CAPZA2: variants seen among roughly 807,000 people sequenced by gnomAD.
The protein encoded by CAPZA2 is F-actin-capping protein subunit alpha-2.
CAPZA2 carries 13 observed loss-of-function variants against 44.0 expected under a neutral mutation model. The observed-to-expected ratio is 0.30, with a 90% confidence interval of 0.19 to 0.47. The LOEUF is 0.47. Among genes scored for constraint, CAPZA2 ranks in the 20% least tolerant of loss-of-function variants. The probability of loss-of-function intolerance (pLI) is 1.00; values close to 1 mark genes in which losing one functional copy is unlikely to be tolerated. For missense variants in CAPZA2, 244 were observed against 338.6 expected, an observed-to-expected ratio of 0.72 and a Z score of 2.19; for synonymous variants, 94 against 108.2, an observed-to-expected ratio of 0.87 and a Z score of 0.81.
intron 3 of CAPZA2, among the ~76,000 whole-genome samples, chr7:116,896,963 A>G (rs1796935686): frequency 6.6e-6 from 1 of 152,172 alleles, no homozygotes; most frequent in Admixed American, 6.5e-5. Flanking sequence ...CTAGATGAGT[A>G]CCTTTTCCAC....
chr7:116,905,221 T>C (rs1316498499), intron 5 of CAPZA2, among the ~76,000 whole-genome samples: 2 of 151,958 alleles, frequency 1.3e-5, no homozygotes, highest in African/African-American at 4.8e-5. Flanking sequence ...TTTCATAATA[T>C]TATTTGTACC....
chr7:116,882,851 A>G (rs908189825), intron 1 of CAPZA2, among the ~76,000 whole-genome samples: 1 of 152,220 alleles, frequency 6.6e-6, no homozygotes, highest in Non-Finnish European at 1.5e-5. Context: ...AAACCACTCT[A>G]TACTTCTTGA....
At chr7:116,887,165 C>T (rs551702751) in intron 1 of CAPZA2, among the ~76,000 whole-genome samples, 1 of 152,188 alleles carries the variant, frequency 6.6e-6, no homozygotes, top group Admixed American at 6.5e-5. Flanking sequence ...TGCGTCTTGT[C>T]TTCACACATA....
intron 1 of CAPZA2, among the ~76,000 whole-genome samples, chr7:116,868,553 T>C (rs1796510530): frequency 1.3e-5 from 2 of 152,104 alleles, no homozygotes; most frequent in African/African-American, 2.4e-5. Context: ...GCCAACATGG[T>C]GAAACCCTGT....
intron 3 of CAPZA2, among the ~76,000 whole-genome samples, chr7:116,894,172 AC>A (rs1796892211): frequency 6.6e-6 from 1 of 152,040 alleles, no homozygotes. Flanking sequence ...GACCATCCTG[AC>A]CAACATGGTG....
chr7:116,913,003 G>T (rs996757481), intron 8 of CAPZA2, among the ~76,000 whole-genome samples: 4 of 151,826 alleles, frequency 2.6e-5, no homozygotes, highest in African/African-American at 9.7e-5. Flanking sequence ...GTCTTATTGT[G>T]GTTTTTATTT....
chr7:116,883,375 A>T (rs1796723900), intron 1 of CAPZA2, among the ~76,000 whole-genome samples: 2 of 152,206 alleles, frequency 1.3e-5, no homozygotes, highest in South Asian at 2.1e-4. Flanking sequence ...AGCAGTGGAT[A>T]AAAAATACCT....
intron 1 of CAPZA2, among the ~76,000 whole-genome samples, chr7:116,886,552 A>G (rs945655969): frequency 2.0e-5 from 3 of 152,218 alleles, no homozygotes. Flanking sequence ...CAAAGCAATG[A>G]TAGTGCTATC....
In CAPZA2 at chr7:116,887,154, A is replaced by G. The variant is rs1430825317; in HGVS notation, c.40-973A>G. On this transcript the variant is annotated intron_variant, in intron 1 of 9. Coordinates refer to ENST00000361183, the MANE Select transcript of CAPZA2 (RefSeq NM_006136.3). ...TGTTCTTCATTTTATTTATGCCTAA[A>G]TGCGTCTTGTCTTCACACATAGAAA... 2.6e-5 allele frequency among the ~76,000 whole-genome samples: 4 copies of G among 152,126 alleles called. No homozygotes were observed. In the East Asian group the frequency reaches 7.7e-4, roughly 29 times the overall value.
intron 1 of CAPZA2, among the ~76,000 whole-genome samples, chr7:116,864,266 C>G (rs1205416118): frequency 6.6e-6 from 1 of 152,066 alleles, no homozygotes; most frequent in Non-Finnish European, 1.5e-5. Flanking sequence ...AGAGAGACTA[C>G]TCGGTGTGGG....
intron 6 of CAPZA2, among the ~76,000 whole-genome samples, chr7:116,907,770 G>A (rs572841898): frequency 6.6e-6 from 1 of 152,080 alleles, no homozygotes; most frequent in East Asian, 1.9e-4. Context: ...TTCACATGGT[G>A]CCCAACTTGT....
chr7:116,867,582 CTTTTT>C (rs67944722), intron 1 of CAPZA2, among the ~76,000 whole-genome samples: 2 of 114,820 alleles, frequency 1.7e-5, no homozygotes, highest in Admixed American at 9.3e-5. Context: ...ATTTCTCTCT[CTTTTT>C]TTTTTTTTTT....
intron 2 of CAPZA2, chr7:116,888,733 G>A (rs1796795310): frequency 1.3e-5 from 2 of 150,384 alleles, no homozygotes; most frequent in East Asian, 3.9e-4. Flanking sequence ...GTTTTGAGAG[G>A]CTGAGGTTGG....
At chr7:116,905,706 A>G (rs12672008) in intron 5 of CAPZA2, among the ~76,000 whole-genome samples, 35,126 of 152,144 alleles carry the variant, frequency 0.23, 4,201 homozygotes, top group East Asian at 0.41. Context: ...GTCCTCATTT[A>G]TTCTAGAGGA....
At chr7:116,869,080 C>T (rs961067710) in intron 1 of CAPZA2, among the ~76,000 whole-genome samples, 3 of 152,150 alleles carry the variant, frequency 2.0e-5, no homozygotes, top group African/African-American at 7.2e-5. Context: ...GGTTGAAAAG[C>T]AGGATGGCAA....
At position 116,920,285 on chromosome 7, in the gene CAPZA2, G is replaced by T. The variant is rs1791750938; in HGVS notation, c.*2418G>T. On this transcript the variant is annotated 3_prime_UTR_variant, in exon 10 of 10. Transcript: ENST00000361183. ...ATAAAAGAATGGCATTTATTAAAGT[G>T]AAAGAAGAATGGAAACCCAGAGTAT... The T allele has an allele frequency of 1.3e-5, 2 of 152,086 alleles. No individual in the cohort carries two copies. The highest frequency in any genetic ancestry group is 1.3e-4 in the Admixed American group (2 of 15,250). The allele number at this position is 152,086 out of a possible 1,614,324, so 9.4% of individuals were successfully genotyped here.
chr7:116,892,553 A>G (rs1486721206), intron 2 of CAPZA2, among the ~76,000 whole-genome samples: 1 of 152,120 alleles, frequency 6.6e-6, no homozygotes, highest in Non-Finnish European at 1.5e-5. Context: ...CATTACATAT[A>G]GCAGGGGTGT....
At chr7:116,908,483 T>C (rs558195337) in intron 6 of CAPZA2, among the ~76,000 whole-genome samples, 1 of 152,174 alleles carries the variant, frequency 6.6e-6, no homozygotes, top group Admixed American at 6.5e-5. Flanking sequence ...AGGGGCAGAA[T>C]ATAATTAAAG....
intron 3 of CAPZA2, among the ~76,000 whole-genome samples, chr7:116,894,281 G>T (rs1164417484): frequency 2.0e-5 from 3 of 150,488 alleles, no homozygotes; most frequent in Non-Finnish European, 2.9e-5. Flanking sequence ...AGAATCGCTT[G>T]AACCCAGGAG....
Sources: gnomAD v4.1 joint callset for allele counts (sites outside exome capture counted in the v4.1 genomes callset) on GRCh38, gnomAD v4.1.1 for gene constraint, MANE v1.5 for transcripts, NCBI Gene and HGNC (gene_info 2026-07-23, HGNC 2026-07-21) for gene names.